Variants in RXFP1 observed in about 807,000 individuals in gnomAD.
RXFP1 encodes relaxin receptor 1.
A neutral mutation model predicts 89.8 loss-of-function variants in RXFP1; 73 were observed. The observed-to-expected ratio is 0.81, with a 90% CI of 0.67 to 0.99. The LOEUF is 0.99. Among genes scored for constraint, RXFP1 ranks in the 50% least tolerant of loss-of-function variants. The probability of loss-of-function intolerance (pLI) is 0.00; values close to 1 mark genes in which losing one functional copy is unlikely to be tolerated. For synonymous variants in RXFP1, 277 were observed against 305.5 expected, an observed-to-expected ratio of 0.91 and a Z score of 0.97; for missense variants, 793 against 895.5, an observed-to-expected ratio of 0.89 and a Z score of 1.46.
At chr4:158,568,011 C>G (rs895164330) in intron 1 of RXFP1, among the ~76,000 whole-genome samples, 5 of 152,194 alleles carry the variant, frequency 3.3e-5, no homozygotes, top group African/African-American at 9.7e-5. Context: ...AGGTATAAAG[C>G]TTCACTCCTG....
At chr4:158,632,121 CTT>C (rs1055564676) in intron 11 of RXFP1, among the ~76,000 whole-genome samples, 13 of 152,124 alleles carry the variant, frequency 8.5e-5, no homozygotes, top group African/African-American at 1.9e-4. Context: ...GATTCCAACT[CTT>C]TATGAAAGAG....
At chr4:158,575,747 C>G (rs553165493) in intron 2 of RXFP1, among the ~76,000 whole-genome samples, 4 of 152,132 alleles carry the variant, frequency 2.6e-5, no homozygotes, top group Non-Finnish European at 5.9e-5. Flanking sequence ...TATGTTTAAG[C>G]CACCCAATCT....
intron 6 of RXFP1, among the ~76,000 whole-genome samples, chr4:158,611,323 A>C (rs1440744141): frequency 6.6e-6 from 1 of 151,546 alleles, no homozygotes; most frequent in Non-Finnish European, 1.5e-5. Flanking sequence ...CATGGCAAGA[A>C]GAGGAGATCA....
intron 2 of RXFP1, among the ~76,000 whole-genome samples, chr4:158,579,401 G>C (rs915757444): frequency 6.6e-5 from 10 of 152,168 alleles, no homozygotes; most frequent in African/African-American, 2.4e-4. Context: ...CCTGAGTACA[G>C]GAACTACAGG....
At chr4:158,523,258 A>G (rs1741626727) in intron 1 of RXFP1, among the ~76,000 whole-genome samples, 1 of 152,230 alleles carries the variant, frequency 6.6e-6, no homozygotes, top group Non-Finnish European at 1.5e-5. Context: ...TCAAAAATTA[A>G]TGCCATATTT....
chr4:158,606,692 TC>T (rs776118456), intron 5 of RXFP1, among the ~76,000 whole-genome samples: 2 of 151,000 alleles, frequency 1.3e-5, no homozygotes, highest in Admixed American at 1.3e-4. Context: ...TAAGTGATCC[TC>T]CCACCTCAGA....
In RXFP1 at chr4:158,561,320, A is replaced by T. The variant is rs538607323; in HGVS notation, c.50-11378A>T. Among the ~76,000 whole-genome samples the T allele has an allele frequency of 3.9e-5, 6 of 152,342 alleles. No homozygotes were observed. The South Asian group carries it at 1.2e-3, about 32-fold the overall frequency. The stretch of plus-strand genomic sequence containing the variant: ...TTTCAAACTCTGAAACTTCTTGAGC[A>T]CTCACAAGATGCCACAGTGGAAAAT... On this transcript the variant is annotated intron_variant, in intron 1 of 17. Transcript: ENST00000307765.
intron 5 of RXFP1, among the ~76,000 whole-genome samples, chr4:158,606,753 T>A: frequency 6.7e-6 from 1 of 150,194 alleles, no homozygotes; most frequent in Admixed American, 6.6e-5. Flanking sequence ...CTGGCTCCTT[T>A]TTTTTTTTTT....
intron 8 of RXFP1, among the ~76,000 whole-genome samples, chr4:158,614,789 C>T (rs972758540): frequency 3.9e-5 from 6 of 152,116 alleles, no homozygotes; most frequent in African/African-American, 7.2e-5. Flanking sequence ...ATTCACAATT[C>T]GGCTAACTGG....
chr4:158,581,435 A>G (rs942596379), intron 2 of RXFP1, among the ~76,000 whole-genome samples: 2 of 152,230 alleles, frequency 1.3e-5, no homozygotes, highest in African/African-American at 4.8e-5. Context: ...ATCATTGTGT[A>G]GTAGGGCCTT....
chr4:158,641,035 A>G (rs1352042498), intron 14 of RXFP1, among the ~76,000 whole-genome samples: 1 of 152,234 alleles, frequency 6.6e-6, no homozygotes, highest in African/African-American at 2.4e-5. Flanking sequence ...TTAATTTTCA[A>G]TAATTTAGAT....
chr4:158,544,007 C>G, intron 1 of RXFP1: 1 of 985,400 alleles, frequency 1.0e-6, no homozygotes, highest in African/African-American at 1.7e-5. Flanking sequence ...CTACCTTGGG[C>G]ATTTAAATAT....
At chr4:158,620,829 A>T (rs1244419908) in intron 9 of RXFP1, among the ~76,000 whole-genome samples, 2 of 152,252 alleles carry the variant, frequency 1.3e-5, no homozygotes, top group Non-Finnish European at 2.9e-5. Context: ...TTTAAAGCTG[A>T]TGAATCTTTG....
At chr4:158,540,750 C>A (rs9991170) in intron 1 of RXFP1, among the ~76,000 whole-genome samples, 1 of 151,972 alleles carries the variant, frequency 6.6e-6, no homozygotes, top group Non-Finnish European at 1.5e-5. Flanking sequence ...CTAAGAATGA[C>A]CCTCCCTGCC....
chr4:158,651,148 A>G (rs993969780), intron 17 of RXFP1, among the ~76,000 whole-genome samples: 3 of 152,116 alleles, frequency 2.0e-5, no homozygotes, highest in Non-Finnish European at 2.9e-5. Flanking sequence ...AAAAACAAAG[A>G]GTAATGACAG....
rs1772944797 is a variant in RXFP1, at chr4:158,652,651, T to G, written c.*596T>G. ...TTGAGAGCCAACACAACATATTTAT[T>G]ACTAAAAAGATGCTTTGCTAGAAAC... On this transcript the variant is annotated 3_prime_UTR_variant, in exon 18 of 18. Coordinates refer to ENST00000307765, the MANE Select transcript of RXFP1 (RefSeq NM_021634.4). 1 of 152,240 alleles carries G rather than the reference T, an allele frequency of 6.6e-6. No homozygotes were observed. The highest frequency in any genetic ancestry group is 1.5e-5 in the Non-Finnish European group (1 of 68,038). The allele number at this position is 152,240 out of a possible 1,614,324, so 9.4% of individuals were successfully genotyped here.
chr4:158,592,120 T>A (rs1759595930), intron 2 of RXFP1, among the ~76,000 whole-genome samples: 1 of 152,128 alleles, frequency 6.6e-6, no homozygotes, highest in Middle Eastern at 3.2e-3. Context: ...AAATCTTCTA[T>A]TTTTTTAAAA....
chr4:158,603,131 G>A (rs997207839), intron 4 of RXFP1, among the ~76,000 whole-genome samples: 6 of 151,932 alleles, frequency 3.9e-5, no homozygotes, highest in Non-Finnish European at 7.4e-5. Context: ...GGCGGTGGGG[G>A]GGCAGTCTCA....
At chr4:158,538,746 G>A (rs1298473834) in intron 1 of RXFP1, among the ~76,000 whole-genome samples, 3 of 151,274 alleles carry the variant, frequency 2.0e-5, no homozygotes, top group African/African-American at 7.3e-5. Flanking sequence ...GGAGGTTGCA[G>A]TGAGCTGAGA....
Sources: allele counts gnomAD v4.1 joint callset (sites outside exome capture counted in the v4.1 genomes callset), GRCh38; gene constraint gnomAD v4.1.1; transcripts MANE v1.5; gene names NCBI Gene and HGNC (gene_info 2026-07-23, HGNC 2026-07-21).